PLEKHM3: variants seen among roughly 807,000 people sequenced by gnomAD.
PLEKHM3 encodes the protein pleckstrin homology domain containing M3.
A neutral mutation model predicts 81.8 loss-of-function variants in PLEKHM3; 45 were observed. That is an observed-to-expected ratio of 0.55 (90% CI 0.43 to 0.71). The LOEUF (loss-of-function observed/expected upper bound fraction) is 0.71. Among genes scored for constraint, PLEKHM3 ranks in the 30% least tolerant of loss-of-function variants. The probability of loss-of-function intolerance (pLI) is 0.00; values close to 1 mark genes in which losing one functional copy is unlikely to be tolerated. For missense variants in PLEKHM3, 788 were observed against 924.3 expected (o/e 0.85, Z 1.91); for synonymous variants, 352 against 356.4 (o/e 0.99, Z 0.14).
At chr2:207,923,610 A>G (rs971366830) in intron 5 of PLEKHM3, among the ~76,000 whole-genome samples, 3 of 152,070 alleles carry the variant, frequency 2.0e-5, no homozygotes, top group Non-Finnish European at 4.4e-5. Flanking sequence ...TCTGTCTCAC[A>G]CACACACACG....
At chr2:207,866,950 C>T (rs2092504811) in intron 6 of PLEKHM3, among the ~76,000 whole-genome samples, 1 of 152,140 alleles carries the variant, frequency 6.6e-6, no homozygotes, top group African/African-American at 2.4e-5. Context: ...GTAGACTGAA[C>T]ATTTAAAAAT....
At chr2:207,885,719 T>G (rs952280354) in intron 6 of PLEKHM3, among the ~76,000 whole-genome samples, 3 of 152,212 alleles carry the variant, frequency 2.0e-5, no homozygotes, top group Non-Finnish European at 4.4e-5. Context: ...AGTATTCCAG[T>G]TGATTGATTG....
chr2:207,897,146 T>C (rs1451654199), intron 6 of PLEKHM3, among the ~76,000 whole-genome samples: 1 of 152,182 alleles, frequency 6.6e-6, no homozygotes, highest in African/African-American at 2.4e-5. Flanking sequence ...GAAATGAAGC[T>C]ATTCTGCATT....
chr2:208,001,333 G>A lies in PLEKHM3; in HGVS notation c.307C>T (p.Pro103Ser). ...EQFMVQRGTT[P>S]DNLSWMEQKE... ...TGTTCCATCCAGGAAAGATTATCTG[G>A]GGTTGTCCCTCTCTGGACCATAAAC... is the stretch of plus-strand genomic sequence containing the variant. The change falls in exon 2 of 8, where the codon CCA becomes TCA. Residue 103 changes from proline (P) to serine (S), a missense_variant. By Grantham distance (74) the Pro-to-Ser change is moderately conservative. Coordinates refer to ENST00000427836, the MANE Select transcript of PLEKHM3 (RefSeq NM_001080475.3). The A allele has an allele frequency of 6.2e-7, 1 of 1,614,146 alleles. No individual in the cohort carries two copies. Among genetic ancestry groups the A allele is most frequent in the African/African-American group, 1.3e-5 (1 of 75,032 alleles).
chr2:207,840,801 T>TTTTA (rs1559202740), intron 7 of PLEKHM3, among the ~76,000 whole-genome samples: 1 of 127,788 alleles, frequency 7.8e-6, no homozygotes. Context: ...CTTTTTATGT[T>TTTTA]TTTTTTTTTT....
chr2:207,872,903 A>C (rs2092542179), intron 6 of PLEKHM3, among the ~76,000 whole-genome samples: 1 of 152,222 alleles, frequency 6.6e-6, no homozygotes, highest in Admixed American at 6.5e-5. Context: ...AAGGAGAAGC[A>C]ACTACAGCTG....
chr2:208,009,420 C>T (rs1692611645), intron 1 of PLEKHM3, among the ~76,000 whole-genome samples: 1 of 152,130 alleles, frequency 6.6e-6, no homozygotes, highest in East Asian at 1.9e-4. Flanking sequence ...ATCTTTGGTA[C>T]CTCCCCCACA....
intron 1 of PLEKHM3, among the ~76,000 whole-genome samples, chr2:208,003,080 G>C (rs1171279753): frequency 6.6e-6 from 1 of 152,124 alleles, no homozygotes; most frequent in Non-Finnish European, 1.5e-5. Context: ...GGACCCAGTG[G>C]GAGGTAATCG....
chr2:207,866,461 C>A (rs1244813640), intron 6 of PLEKHM3, among the ~76,000 whole-genome samples: 1 of 152,000 alleles, frequency 6.6e-6, no homozygotes, highest in East Asian at 1.9e-4. Context: ...CTGGCGAATT[C>A]TTAAGTGTAT....
At chr2:207,836,993 C>T (rs577061466) in intron 7 of PLEKHM3, among the ~76,000 whole-genome samples, 7 of 145,280 alleles carry the variant, frequency 4.8e-5, no homozygotes, top group African/African-American at 1.5e-4. Context: ...TGCGGCTTTG[C>T]GTATGGCTAC....
chr2:207,898,479 C>T (rs547212555), intron 6 of PLEKHM3, among the ~76,000 whole-genome samples: 6 of 152,266 alleles, frequency 3.9e-5, no homozygotes, highest in African/African-American at 9.6e-5. Flanking sequence ...ATGGACCAGG[C>T]GTGCTGGCTC....
chr2:208,008,206 C>T (rs1161029089), intron 1 of PLEKHM3, among the ~76,000 whole-genome samples: 1 of 151,708 alleles, frequency 6.6e-6, no homozygotes, highest in Non-Finnish European at 1.5e-5. Context: ...CTACTGCGCT[C>T]CAGCCTGGGG....
chr2:207,875,310 T>C (rs2092554900), intron 6 of PLEKHM3, among the ~76,000 whole-genome samples: 1 of 152,210 alleles, frequency 6.6e-6, no homozygotes, highest in African/African-American at 2.4e-5. Flanking sequence ...TGCTCAACTT[T>C]ACTTCTCATG....
chr2:207,941,397 A>G (rs574321968), intron 4 of PLEKHM3, among the ~76,000 whole-genome samples: 1 of 152,370 alleles, frequency 6.6e-6, no homozygotes, highest in South Asian at 2.1e-4. Context: ...TCTTCAGTAA[A>G]TGGTGCTGGG....
At chr2:207,957,781 G>A (rs961024753) in intron 3 of PLEKHM3, among the ~76,000 whole-genome samples, 1 of 152,154 alleles carries the variant, frequency 6.6e-6, no homozygotes, top group Admixed American at 6.5e-5. Flanking sequence ...TTATAAAGAA[G>A]TGAGAAAAAG....
At chr2:207,979,760 A>G (rs1003098170) in intron 2 of PLEKHM3, among the ~76,000 whole-genome samples, 1 of 144,622 alleles carries the variant, frequency 6.9e-6, no homozygotes, top group East Asian at 1.9e-4. Flanking sequence ...TTGACTAAAG[A>G]AAAAAAGAGT....
intron 3 of PLEKHM3, among the ~76,000 whole-genome samples, chr2:207,956,876 T>C (rs183505355): frequency 8.5e-5 from 13 of 152,112 alleles, no homozygotes; most frequent in African/African-American, 3.1e-4. Context: ...AGCTGCAATG[T>C]ACGCTTTGAA....
At chr2:207,927,283 T>C (rs1689425966) in intron 5 of PLEKHM3, among the ~76,000 whole-genome samples, 1 of 151,940 alleles carries the variant, frequency 6.6e-6, no homozygotes, top group African/African-American at 2.4e-5. Context: ...CATATAAAGG[T>C]ATTGGTGACT....
chr2:207,974,615 A>G (rs1691239578), intron 3 of PLEKHM3, among the ~76,000 whole-genome samples: 1 of 152,258 alleles, frequency 6.6e-6, no homozygotes, highest in Non-Finnish European at 1.5e-5. Context: ...CCATAATTCC[A>G]GGATGTCCAG....
Sources: gnomAD v4.1 joint callset for allele counts (sites outside exome capture counted in the v4.1 genomes callset) on GRCh38, gnomAD v4.1.1 for gene constraint, MANE v1.5 for transcripts, NCBI Gene and HGNC (gene_info 2026-07-23, HGNC 2026-07-21) for gene names.